The following PHF20 variants were observed in gnomAD, a reference collection of about 807,000 sequenced individuals.
PHF20 encodes the protein PHD finger protein 20.
In PHF20, 23 loss-of-function variants were observed where a neutral mutation model predicts 113.5. The ratio of observed to expected loss-of-function variants is 0.20; its 90% CI spans 0.15 to 0.29. The LOEUF is 0.29. Ranked by LOEUF, PHF20 falls within the 10% of genes least tolerant of loss-of-function variation. The probability of loss-of-function intolerance (pLI) is 1.00; values close to 1 mark genes in which losing one functional copy is unlikely to be tolerated. For synonymous variants in PHF20, 434 were observed against 457.3 expected (o/e 0.95, Z 0.65); for missense variants, 943 against 1,219.6 (o/e 0.77, Z 3.38).
intron 9 of PHF20, chr20:35,878,452 A>G: frequency 3.7e-6 from 2 of 536,410 alleles, no homozygotes; most frequent in Admixed American, 3.6e-5. Flanking sequence ...TTAAGCAATC[A>G]CTATGTCGAC....
At chr20:35,885,867 T>G (rs565020262) in intron 9 of PHF20, among the ~76,000 whole-genome samples, 129 of 152,282 alleles carry the variant, frequency 8.5e-4, no homozygotes, top group African/African-American at 3.0e-3. Context: ...CTTTCACCCA[T>G]TATTTTAGCA....
At chr20:35,876,933 C>T (rs574859978) in intron 9 of PHF20, among the ~76,000 whole-genome samples, 8 of 150,814 alleles carry the variant, frequency 5.3e-5, no homozygotes, top group South Asian at 2.1e-4. Context: ...GGTGAAACCC[C>T]GTCTCTACTA....
At chr20:35,933,571 G>A (rs2055805773) in intron 15 of PHF20, among the ~76,000 whole-genome samples, 1 of 151,930 alleles carries the variant, frequency 6.6e-6, no homozygotes, top group Non-Finnish European at 1.5e-5. Flanking sequence ...TAATTTTTTT[G>A]TATTTTTAGT....
At chr20:35,783,239 A>G (rs2041338089) in intron 1 of PHF20, among the ~76,000 whole-genome samples, 1 of 152,174 alleles carries the variant, frequency 6.6e-6, no homozygotes, top group Non-Finnish European at 1.5e-5. Context: ...CATAGTTTAT[A>G]GAGTTTTCCT....
Position 35,931,309 on chromosome 20 carries a change from A to C in PHF20, c.2165A>C (p.His722Pro), listed in dbSNP as rs774801547. ...DKEWLSRGHMHGLAFLEENYS... is the reference protein window; with the variant it reads ...DKEWLSRGHMPGLAFLEENYS... The stretch of plus-strand genomic sequence containing the variant: ...GAGTGGCTGAGCAGGGGACATATGC[A>C]TGGCCTGGCATTTCTAGAAGAGAAC... The change falls in exon 15 of 18, where the codon CAT (histidine) becomes CCT (proline). Residue 722 changes from histidine to proline, a missense_variant. His to Pro is a moderately conservative substitution (Grantham distance 77, BLOSUM62 -2). Coordinates refer to ENST00000374012, the MANE Select transcript of PHF20 (RefSeq NM_016436.5). 1 of 1,614,100 alleles carries C rather than the reference A, an allele frequency of 6.2e-7. No individual in the cohort carries two copies. Among genetic ancestry groups the C allele is most frequent in the South Asian group, 1.1e-5 (1 of 91,078 alleles).
chr20:35,827,068 A>G lies in PHF20; in HGVS notation c.84-15505A>G, dbSNP rs562479631. 3.9e-5 allele frequency among the ~76,000 whole-genome samples: 6 copies of G among 152,250 alleles called. No individual in the cohort carries two copies. In the East Asian group the frequency reaches 9.7e-4, roughly 25 times the overall value. ...GGCTTAGAATGTTCCTTTTGTGCATAGAAGTATTTTGCTTCTGGTATGTGC... is the reference window on the plus strand; with the variant it reads ...GGCTTAGAATGTTCCTTTTGTGCATGGAAGTATTTTGCTTCTGGTATGTGC... On this transcript the variant is annotated intron_variant, in intron 2 of 17. Coordinates refer to ENST00000374012, the MANE Select transcript of PHF20 (RefSeq NM_016436.5).
chr20:35,836,791 G>A (rs2042449352), intron 2 of PHF20, among the ~76,000 whole-genome samples: 1 of 146,058 alleles, frequency 6.8e-6, no homozygotes, highest in Non-Finnish European at 1.5e-5. Flanking sequence ...AGCCTGCAGT[G>A]AGCCGAGATC....
At chr20:35,792,558 C>T (rs1341445207) in intron 1 of PHF20, among the ~76,000 whole-genome samples, 1 of 151,998 alleles carries the variant, frequency 6.6e-6, no homozygotes, top group Admixed American at 6.6e-5. Flanking sequence ...ACCTCTTCTG[C>T]CTTTCCTCCC....
intron 16 of PHF20, 116 bp downstream of exon 16, chr20:35,939,224 T>A: frequency 8.2e-7 from 1 of 1,222,724 alleles, no homozygotes; most frequent in Non-Finnish European, 1.1e-6. Flanking sequence ...TTAAATTTGC[T>A]TACCATAGAT....
At chr20:35,841,692 T>C (rs559908987) in intron 2 of PHF20, among the ~76,000 whole-genome samples, 3 of 151,928 alleles carry the variant, frequency 2.0e-5, no homozygotes, top group Admixed American at 6.6e-5. Context: ...ATCACTTGAA[T>C]CAGGGAGGTG....
intron 2 of PHF20, among the ~76,000 whole-genome samples, chr20:35,808,730 G>A (rs1189462842): frequency 5.9e-5 from 9 of 151,428 alleles, no homozygotes; most frequent in Non-Finnish European, 1.2e-4. Context: ...CCGCCACCAC[G>A]CCTGGCTAAT....
chr20:35,849,284 G>C lies in PHF20; in HGVS notation c.340+1850G>C, dbSNP rs1268595312. 8 of 363,650 alleles carry C rather than the reference G, an allele frequency of 2.2e-5. No homozygotes were observed. The East Asian group carries it at 6.0e-4, about 27-fold the overall frequency. The allele number at this position is 363,650 out of a possible 1,614,324, so 22.5% of individuals were successfully genotyped here. On this transcript the variant is annotated intron_variant, in intron 4 of 17. Coordinates refer to ENST00000374012, the MANE Select transcript of PHF20 (RefSeq NM_016436.5). ...TGATTCAGAGATGAAGATAATTAAT[G>C]CCTCTAAGAGGGGTGGGAAGGTGTC...
chr20:35,845,968 A>C (rs946425149), intron 3 of PHF20, among the ~76,000 whole-genome samples: 1 of 151,534 alleles, frequency 6.6e-6, no homozygotes, highest in Admixed American at 6.6e-5. Context: ...TAGAGGTGGG[A>C]GTTCATCATG....
At chr20:35,831,149 C>T (rs1366188854) in intron 2 of PHF20, among the ~76,000 whole-genome samples, 1 of 151,094 alleles carries the variant, frequency 6.6e-6, no homozygotes, top group Non-Finnish European at 1.5e-5. Context: ...CTCTTCCTCC[C>T]TCCCTCCCTC....
intron 1 of PHF20, among the ~76,000 whole-genome samples, chr20:35,780,692 G>A (rs533594416): frequency 1.4e-5 from 2 of 139,120 alleles, no homozygotes; most frequent in South Asian, 4.6e-4. Context: ...GATTACAGGC[G>A]AACACCACCA....
intron 10 of PHF20, among the ~76,000 whole-genome samples, chr20:35,901,863 A>G (rs965437639): frequency 6.6e-6 from 1 of 152,206 alleles, no homozygotes; most frequent in Non-Finnish European, 1.5e-5. Context: ...TGCCTCAGTC[A>G]CTGTTGGACT....
In PHF20 at chr20:35,810,990, T is replaced by G. The variant is rs145609707; in HGVS notation, c.83+9385T>G. 4.2e-4 allele frequency among the ~76,000 whole-genome samples: 64 copies of G among 152,300 alleles called. 1 individual carries two copies. In the Middle Eastern group the frequency reaches 0.017, roughly 40 times the overall value. ...GTGTGTCTGTGTCTCTCTGTGTGTG[T>G]ATGTGTGTATTTTCAGTCCATTGAA... On this transcript the variant is annotated intron_variant, in intron 2 of 17. Coordinates refer to ENST00000374012, the MANE Select transcript of PHF20 (RefSeq NM_016436.5).
chr20:35,816,887 G>A (rs1453185024), intron 2 of PHF20, among the ~76,000 whole-genome samples: 1 of 151,810 alleles, frequency 6.6e-6, no homozygotes, highest in Non-Finnish European at 1.5e-5. Flanking sequence ...TGCCTCCTGG[G>A]TTCTAGCGAT....
At chr20:35,869,658 C>T in intron 7 of PHF20, 107 bp downstream of exon 7, 1 of 723,038 alleles carries the variant, frequency 1.4e-6, no homozygotes, top group Non-Finnish European at 2.5e-6. Flanking sequence ...ATGTTTGTCT[C>T]TGGTCACATG....
Sources: gnomAD v4.1 joint callset for allele counts (sites outside exome capture counted in the v4.1 genomes callset) on GRCh38, gnomAD v4.1.1 for gene constraint, MANE v1.5 for transcripts, NCBI Gene and HGNC (gene_info 2026-07-23, HGNC 2026-07-21) for gene names.